Variants in GK5 observed in about 807,000 individuals in gnomAD.
GK5 encodes ATP:glycerol 3-phosphotransferase 5.
In GK5, 39 loss-of-function variants were observed where a neutral mutation model predicts 77.3. The observed-to-expected ratio is 0.50, with a 90% CI of 0.39 to 0.66. GK5 has a LOEUF of 0.66. GK5 is among the 30% of genes least tolerant of loss of function. The pLI is 0.00. For synonymous variants in GK5, 211 were observed against 208.0 expected, an observed-to-expected ratio of 1.01 and a Z score of -0.13; for missense variants, 487 against 633.8, an observed-to-expected ratio of 0.77 and a Z score of 2.49.
At chr3:142,211,317 T>C (rs2064185867) in intron 3 of GK5, among the ~76,000 whole-genome samples, 1 of 152,194 alleles carries the variant, frequency 6.6e-6, no homozygotes, top group South Asian at 2.1e-4. Flanking sequence ...ACAGGGTCAC[T>C]AAGATTAGAT....
intron 9 of GK5, among the ~76,000 whole-genome samples, chr3:142,184,141 G>T (rs964040318): frequency 3.6e-4 from 55 of 150,700 alleles, no homozygotes; most frequent in African/African-American, 1.3e-3. Context: ...GGTGCCTGTA[G>T]TCCCAGCTAC....
rs1405730822 is a variant in GK5, at chr3:142,187,770, C to T, written c.553G>A (p.Ala185Thr). 4 of 1,611,300 alleles carry T rather than the reference C, an allele frequency of 2.5e-6. No individual in the cohort carries two copies. The highest frequency in any genetic ancestry group is 1.3e-5 in the African/African-American group (1 of 74,752). Reference sequence around the variant, plus strand: ...AAGCAGCAATTTTCTTCTTCAACTGCCTTTTGCACCTTGAAAACACAACAG... The same window carrying T: ...AAGCAGCAATTTTCTTCTTCAACTGTCTTTTGCACCTTGAAAACACAACAG... ...ILQNLTEVQKAVEEENCCFGT... is the reference protein window; with the variant it reads ...ILQNLTEVQKTVEEENCCFGT... The change falls in exon 6 of 16, where the codon GCA becomes ACA. Residue 185 changes from alanine (A) to threonine (T), a missense_variant. By Grantham distance (58) the Ala-to-Thr change is moderately conservative. Around this residue, in one of 4 missense-constraint regions of GK5, gnomAD observed 323 missense variants for 437.4 expected, o/e 0.74. Transcript: ENST00000392993.
intron 1 of GK5, among the ~76,000 whole-genome samples, chr3:142,221,052 A>G (rs2064340080): frequency 6.6e-6 from 1 of 152,254 alleles, no homozygotes; most frequent in Non-Finnish European, 1.5e-5. Context: ...AAAAAAATGC[A>G]GATAACCAAT....
rs115800338 is a variant in GK5, at chr3:142,223,510, C to T, written c.147+1799G>A. Among the ~76,000 whole-genome samples the T allele has an allele frequency of 9.8e-4, 149 of 152,302 alleles. 3 individuals carry two copies. The highest frequency in any genetic ancestry group is 3.4e-3 in the African/African-American group (141 of 41,570). The stretch of plus-strand genomic sequence containing the variant: ...GCTAGCCAGAGAAGGGACCAGGGAG[C>T]TGCTACAATCCCAGTTCCACTGTCT... On this transcript the variant is annotated intron_variant, in intron 1 of 15. Transcript: ENST00000392993.
chr3:142,197,613 T>C (rs958747604), intron 5 of GK5, among the ~76,000 whole-genome samples: 5 of 152,228 alleles, frequency 3.3e-5, no homozygotes, highest in African/African-American at 1.2e-4. Context: ...GGCTAAAATA[T>C]AGACTAATAA....
intron 2 of GK5, among the ~76,000 whole-genome samples, chr3:142,215,153 A>C (rs1180015505): frequency 6.6e-6 from 1 of 152,260 alleles, no homozygotes; most frequent in Non-Finnish European, 1.5e-5. Flanking sequence ...ACTAAGACTT[A>C]GACCATAGCT....
In GK5 at chr3:142,182,972, C is replaced by A; in HGVS notation, c.894G>T (p.Gly298=). The A allele has an allele frequency of 6.2e-7, 1 of 1,612,740 alleles. No individual in the cohort carries two copies. Among genetic ancestry groups the A allele is most frequent in the South Asian group, 1.1e-5 (1 of 91,066 alleles). The change falls in exon 10 of 16, where the codon GGG becomes GGT. Residue 298 remains glycine (G), a synonymous_variant. Transcript: ENST00000392993. ...TTCCAGTGTTAATATCCAAAAATGT[C>A]CCAGTTCCCATGGTTAATTTCACAT... ...TGDVKLTMGT[G]TFLDINTGNS...
intron 1 of GK5, among the ~76,000 whole-genome samples, chr3:142,221,649 T>A (rs1013259282): frequency 1.3e-5 from 2 of 152,214 alleles, no homozygotes; most frequent in African/African-American, 4.8e-5. Flanking sequence ...GACATTATCA[T>A]TTTTTATAGT....
intron 4 of GK5, among the ~76,000 whole-genome samples, chr3:142,203,635 G>A (rs995279967): frequency 6.0e-4 from 91 of 152,230 alleles, no homozygotes; most frequent in African/African-American, 1.9e-3. Flanking sequence ...TTAGCTGGGC[G>A]TGGTGGCATA....
In GK5 at chr3:142,159,375, C is replaced by T. The variant is rs996896259; in HGVS notation, c.*6247G>A. The T allele has an allele frequency of 3.3e-5, 5 of 152,118 alleles. No homozygotes were observed. The highest frequency in any genetic ancestry group is 1.2e-4 in the African/African-American group (5 of 41,410). 9.4% of individuals were successfully genotyped at this position (152,118 alleles called of 1,614,324 possible). A position where few individuals can be genotyped will look rare whatever the true frequency, so the allele number is the denominator to read the frequency against. ...TATATCATTTGTTTCCTAAACATCA[C>T]GGGTATCTATCTAAACACAGCCATT... On this transcript the variant is annotated 3_prime_UTR_variant, in exon 16 of 16. Coordinates refer to ENST00000392993, the MANE Select transcript of GK5 (RefSeq NM_001039547.3).
At chr3:142,170,957 G>A (rs1407268511) in intron 14 of GK5, among the ~76,000 whole-genome samples, 2 of 151,976 alleles carry the variant, frequency 1.3e-5, no homozygotes, top group Non-Finnish European at 2.9e-5. Context: ...AGCTGGGCGC[G>A]TTGGCTCACA....
rs1399191009 is a variant in GK5, at chr3:142,159,849, C to CTTTTTTTTTTTTTTTTTTTTTTTTTT, written c.*5772_*5773insAAAAAAAAAAAAAAAAAAAAAAAAAA. 9.5e-6 allele frequency: 1 copy of CTTTTTTTTTTTTTTTTTTTTTTTTTT among 104,776 alleles called. No homozygotes were observed. Among genetic ancestry groups the CTTTTTTTTTTTTTTTTTTTTTTTTTT allele is most frequent in the African/African-American group, 4.1e-5 (1 of 24,562 alleles). The allele number at this position is 104,776 out of a possible 1,614,324, so 6.5% of individuals were successfully genotyped here. On this transcript the variant is annotated 3_prime_UTR_variant, in exon 16 of 16. Coordinates refer to ENST00000392993, the MANE Select transcript of GK5 (RefSeq NM_001039547.3). Reference sequence around the variant, plus strand: ...GGGCTTTCTCTCTCTCTCTCTCTCTCTCTCTTTTTTTTTTTTGAGACAGAG... The same window carrying CTTTTTTTTTTTTTTTTTTTTTTTTTT: ...GGGCTTTCTCTCTCTCTCTCTCTCTCTTTTTTTTTTTTTTTTTTTTTTTTTTTCTCTTTTTTTTTTTTGAGACAGAG...
In GK5 at chr3:142,159,745, G is replaced by A. The variant is rs966962036; in HGVS notation, c.*5877C>T. 6 of 151,888 alleles carry A rather than the reference G, an allele frequency of 4.0e-5. No homozygotes were observed. The highest frequency in any genetic ancestry group is 1.2e-4 in the African/African-American group (5 of 41,296). The allele number at this position is 151,888 out of a possible 1,614,324, so 9.4% of individuals were successfully genotyped here. A position where few individuals can be genotyped will look rare whatever the true frequency, so the allele number is the denominator to read the frequency against. On this transcript the variant is annotated 3_prime_UTR_variant, in exon 16 of 16. Coordinates refer to ENST00000392993, the MANE Select transcript of GK5 (RefSeq NM_001039547.3). Reference sequence around the variant, plus strand: ...TTAGATTACCCATTTTGACTGGTTCGAACCAGAAGACCTGGCTTTGGGTTT... The same window carrying A: ...TTAGATTACCCATTTTGACTGGTTCAAACCAGAAGACCTGGCTTTGGGTTT...
intron 15 of GK5, among the ~76,000 whole-genome samples, chr3:142,166,009 A>AC (rs2108777961): frequency 6.6e-6 from 1 of 152,388 alleles, no homozygotes; most frequent in South Asian, 2.1e-4. Context: ...GTGGGACACC[A>AC]CATCACTTCT....
At chr3:142,171,240 A>T (rs2063533166) in intron 14 of GK5, among the ~76,000 whole-genome samples, 179 bp downstream of exon 14, 4 of 144,224 alleles carry the variant, frequency 2.8e-5, no homozygotes. Flanking sequence ...CGATAAAAAT[A>T]CAAATTAAAA....
At position 142,165,535 on chromosome 3, in the gene GK5, C is replaced by T; in HGVS notation, c.*87G>A. The stretch of plus-strand genomic sequence containing the variant: ...TTATTTAAAATTTTCTCCTCTTAGT[C>T]ATTGTCATATGGGTTATCCCTGAGC... On this transcript the variant is annotated 3_prime_UTR_variant, in exon 16 of 16. Coordinates refer to ENST00000392993, the MANE Select transcript of GK5 (RefSeq NM_001039547.3). The T allele has an allele frequency of 2.2e-6, 2 of 927,960 alleles. No individual in the cohort carries two copies. The highest frequency in any genetic ancestry group is 5.8e-5 in the East Asian group (2 of 34,578). 57.5% of individuals were successfully genotyped at this position (927,960 alleles called of 1,614,324 possible). A position where few individuals can be genotyped will look rare whatever the true frequency, so the allele number is the denominator to read the frequency against.
At chr3:142,212,229 T>C (rs1280544232) in intron 3 of GK5, among the ~76,000 whole-genome samples, 1 of 151,758 alleles carries the variant, frequency 6.6e-6, no homozygotes, top group Admixed American at 6.6e-5. Flanking sequence ...CGGGGGGATT[T>C]TGGGGGAGGG....
chr3:142,172,569 G>T, intron 12 of GK5, 113 bp from the exon 13 acceptor site: 4 of 495,250 alleles, frequency 8.1e-6, no homozygotes, highest in Non-Finnish European at 1.4e-5. Flanking sequence ...TAATGCTATG[G>T]TTAAATAATT....
Position 142,159,084 on chromosome 3 carries a change from TA to T in GK5, c.*6537del, listed in dbSNP as rs1161799362. 2 of 152,228 alleles carry T rather than the reference TA, an allele frequency of 1.3e-5. No homozygotes were observed. The highest frequency in any genetic ancestry group is 1.3e-4 in the Admixed American group (2 of 15,280). 9.4% of individuals were successfully genotyped at this position (152,228 alleles called of 1,614,324 possible). ...TCATTAAGCAAACATTTAGTGATCA[TA>T]TCTCACTGCAGCCTCGAACTCCTGG... On this transcript the variant is annotated 3_prime_UTR_variant, in exon 16 of 16. Transcript: ENST00000392993.
Sources: allele counts gnomAD v4.1 joint callset (sites outside exome capture counted in the v4.1 genomes callset), GRCh38; gene constraint gnomAD v4.1.1; regional missense constraint gnomAD v4.1.1; transcripts MANE v1.5; gene names NCBI Gene and HGNC (gene_info 2026-07-23, HGNC 2026-07-21).